The following ZNF429 variants were observed in gnomAD, a reference collection of about 807,000 sequenced individuals.
The protein encoded by ZNF429 is zinc finger protein 429.
A neutral mutation model predicts 56.8 loss-of-function variants in ZNF429; 53 were observed. The observed-to-expected ratio is 0.93, with a 90% CI of 0.75 to 1.17. ZNF429 has a LOEUF of 1.17. Ranked by LOEUF, ZNF429 falls within the 50% of genes most tolerant of loss-of-function variation. ZNF429 has a pLI of 0.00. For synonymous variants in ZNF429, 278 were observed against 264.7 expected, an observed-to-expected ratio of 1.05 and a Z score of -0.49; for missense variants, 849 against 788.4, an observed-to-expected ratio of 1.08 and a Z score of -0.92.
intron 1 of ZNF429, among the ~76,000 whole-genome samples, chr19:21,513,182 T>A (rs2032582888): frequency 6.6e-6 from 1 of 152,142 alleles, no homozygotes; most frequent in African/African-American, 2.4e-5. Flanking sequence ...TTAGTCTTAA[T>A]GGTAATGGGG....
intron 1 of ZNF429, among the ~76,000 whole-genome samples, chr19:21,520,497 A>AT (rs762049183): frequency 5.1e-4 from 77 of 150,636 alleles, no homozygotes; most frequent in African/African-American, 1.3e-3. Context: ...ACCATTTGTC[A>AT]TTTTTTTTTG....
intron 3 of ZNF429, among the ~76,000 whole-genome samples, chr19:21,533,156 G>A: frequency 8.1e-4 from 123 of 151,532 alleles, no homozygotes; most frequent in African/African-American, 2.9e-3. Flanking sequence ...CTTAATGGAT[G>A]TGAGGTGATT....
chr19:21,530,743 A>G, intron 3 of ZNF429, 59 bp downstream of exon 3: 1 of 1,248,524 alleles, frequency 8.0e-7, no homozygotes, highest in Non-Finnish European at 1.1e-6. Flanking sequence ...CCAATAAGAA[A>G]GCCAGTCCTT....
chr19:21,539,570 CA>C lies in ZNF429; in HGVS notation c.*1493del, dbSNP rs1357233901. 6.6e-6 allele frequency among the ~76,000 whole-genome samples: 1 copy of C among 151,090 alleles called. No homozygotes were observed. The highest frequency in any genetic ancestry group is 2.4e-5 in the African/African-American group (1 of 41,110). ...CTGAGTAGCTGGGAATACAGGCATA[CA>C]CCAGCATGTCTGGCTATTTTTTTTT... On this transcript the variant is annotated 3_prime_UTR_variant, in exon 4 of 4. Coordinates refer to ENST00000358491, the MANE Select transcript of ZNF429 (RefSeq NM_001001415.4).
chr19:21,529,529 T>C, intron 1 of ZNF429, 129 bp from the exon 2 acceptor site: 1 of 1,223,586 alleles, frequency 8.2e-7, no homozygotes, highest in Non-Finnish European at 1.0e-6. Context: ...GTCACTTGTA[T>C]AAGTCAGAAG....
intron 3 of ZNF429, among the ~76,000 whole-genome samples, chr19:21,530,980 C>T: frequency 6.6e-6 from 1 of 151,726 alleles, no homozygotes; most frequent in Non-Finnish European, 1.5e-5. Context: ...GTGTCACATG[C>T]CTGCAATCCC....
chr19:21,521,393 ATT>A (rs1336966403), intron 1 of ZNF429: 1 of 152,206 alleles, frequency 6.6e-6, no homozygotes, highest in African/African-American at 2.4e-5. Context: ...TAGATCCCCC[ATT>A]TGATGGCTAG....
chr19:21,510,977 C>T (rs995578574), intron 1 of ZNF429, among the ~76,000 whole-genome samples: 1 of 152,094 alleles, frequency 6.6e-6, no homozygotes, highest in East Asian at 1.9e-4. Context: ...CCCATGTCTA[C>T]TTCTTTCTAC....
In ZNF429 at chr19:21,535,487, TCTTTCTTTCTTC is replaced by T; in HGVS notation, c.227-792_227-781del. On this transcript the variant is annotated intron_variant, in intron 3 of 3. Transcript: ENST00000358491. ...TTCTTTCTTTCTTTCTTTCTTTCTT[TCTTTCTTTCTTC>T]TTTCTTTCTTTCTTTCCTTCTTTTT... Among the ~76,000 whole-genome samples the T allele has an allele frequency of 1.1e-3, 140 of 129,914 alleles. 3 individuals are homozygous for T. The highest frequency in any genetic ancestry group is 4.0e-3 in the African/African-American group (129 of 32,310). 85.2% of individuals were successfully genotyped at this position (129,914 alleles called of 152,430 possible).
At chr19:21,533,572 T>G in intron 3 of ZNF429, among the ~76,000 whole-genome samples, 5 of 148,758 alleles carry the variant, frequency 3.4e-5, no homozygotes, top group Non-Finnish European at 6.0e-5. Context: ...TAGTGGTTCT[T>G]TTTTTTTTTA....
intron 1 of ZNF429, among the ~76,000 whole-genome samples, chr19:21,521,081 G>T (rs1456655805): frequency 2.0e-5 from 3 of 152,122 alleles, no homozygotes; most frequent in African/African-American, 7.2e-5. Flanking sequence ...ATAGATATTT[G>T]TATCTAACAT....
intron 1 of ZNF429, among the ~76,000 whole-genome samples, chr19:21,524,399 A>G (rs2033092026): frequency 6.6e-6 from 1 of 152,174 alleles, no homozygotes; most frequent in Admixed American, 6.5e-5. Flanking sequence ...GTGGTGGCAC[A>G]TGCCTGTAAT....
rs1267832417 is a variant in ZNF429, at chr19:21,539,386, G to A, written c.*1308G>A. On this transcript the variant is annotated 3_prime_UTR_variant, in exon 4 of 4. Transcript: ENST00000358491. ...TTATTTGTATATAACTTTTAAAAGA[G>A]TGGAAGATATTTTGCAAAGTTATAT... Among the ~76,000 whole-genome samples the A allele has an allele frequency of 6.6e-6, 1 of 152,164 alleles. No individual in the cohort carries two copies. The highest frequency in any genetic ancestry group is 2.1e-4 in the South Asian group (1 of 4,820).
At chr19:21,515,502 A>G (rs2145429416) in intron 1 of ZNF429, among the ~76,000 whole-genome samples, 1 of 152,086 alleles carries the variant, frequency 6.6e-6, no homozygotes, top group Middle Eastern at 3.4e-3. Context: ...TGTCAGAAGC[A>G]TAGTTTGCAA....
At chr19:21,511,860 C>G (rs550592380) in intron 1 of ZNF429, among the ~76,000 whole-genome samples, 3 of 152,116 alleles carry the variant, frequency 2.0e-5, no homozygotes, top group Non-Finnish European at 2.9e-5. Flanking sequence ...GGATCACTCA[C>G]GGTTAGGAGC....
chr19:21,531,052 G>A, intron 3 of ZNF429, among the ~76,000 whole-genome samples: 2 of 143,790 alleles, frequency 1.4e-5, no homozygotes, highest in Admixed American at 1.5e-4. Flanking sequence ...GTTGCAGTGA[G>A]CTGAGATCAC....
chr19:21,511,833 G>T (rs372000049), intron 1 of ZNF429, among the ~76,000 whole-genome samples: 1 of 152,194 alleles, frequency 6.6e-6, no homozygotes, highest in South Asian at 2.1e-4. Flanking sequence ...CCGGCACCTT[G>T]GGAGGCTGAG....
At chr19:21,520,906 A>C (rs750801045) in intron 1 of ZNF429, among the ~76,000 whole-genome samples, 2 of 152,234 alleles carry the variant, frequency 1.3e-5, no homozygotes, top group Non-Finnish European at 2.9e-5. Flanking sequence ...ATTTTCTATA[A>C]TAGTATGAAT....
At chr19:21,510,436 C>T (rs991975187) in intron 1 of ZNF429, among the ~76,000 whole-genome samples, 4 of 151,936 alleles carry the variant, frequency 2.6e-5, no homozygotes, top group African/African-American at 9.7e-5. Flanking sequence ...TTTGATCACA[C>T]GCAAGAAAGA....
Sources: gnomAD v4.1 joint callset for allele counts (sites outside exome capture counted in the v4.1 genomes callset) on GRCh38, gnomAD v4.1.1 for gene constraint, MANE v1.5 for transcripts, NCBI Gene and HGNC (gene_info 2026-07-23, HGNC 2026-07-21) for gene names.